POMT2: variants seen among roughly 807,000 people sequenced by gnomAD.
The protein encoded by POMT2 is protein O-mannosyltransferase 2, also known as protein O-mannosyl-transferase 2.
Under a neutral mutation model 100.0 loss-of-function variants are expected in POMT2, and 75 were observed. That is an observed-to-expected ratio of 0.75 (90% confidence interval 0.62 to 0.91). POMT2 has a LOEUF of 0.91. Ranked by LOEUF, POMT2 falls within the 40% of genes least tolerant of loss-of-function variation. The pLI, the probability that POMT2 is intolerant of heterozygous loss-of-function variation, is 0.00. For missense variants in POMT2, 940 were observed against 955.1 expected (o/e 0.98, Z 0.21); for synonymous variants, 378 against 374.1 (o/e 1.01, Z -0.12).
At chr14:77,282,213 T>C (rs1890262913) in intron 15 of POMT2, among the ~76,000 whole-genome samples, 1 of 152,198 alleles carries the variant, frequency 6.6e-6, no homozygotes. Flanking sequence ...ATTCACTACA[T>C]TAAACTCTGA....
intron 15 of POMT2, 111 bp from the exon 16 acceptor site, chr14:77,280,574 CTCCTT>C: frequency 1.3e-6 from 2 of 1,571,750 alleles, no homozygotes; most frequent in South Asian, 2.3e-5. Context: ...AGAACCTTCT[CTCCTT>C]CCCTTCCCTT....
chr14:77,290,304 C>T (rs949111691), intron 10 of POMT2, among the ~76,000 whole-genome samples: 4 of 152,198 alleles, frequency 2.6e-5, no homozygotes, highest in East Asian at 1.9e-4. Context: ...AGAACACTCA[C>T]GTTTGGCCTG....
At chr14:77,287,996 G>A (rs1483107406) in intron 11 of POMT2, among the ~76,000 whole-genome samples, 1 of 152,194 alleles carries the variant, frequency 6.6e-6, no homozygotes, top group Non-Finnish European at 1.5e-5. Context: ...CTGGGCATAA[G>A]TGGATAGGGC....
At chr14:77,279,720 G>A in intron 18 of POMT2, 103 bp downstream of exon 18, 1 of 1,156,916 alleles carries the variant, frequency 8.6e-7, no homozygotes, top group Non-Finnish European at 1.3e-6. Context: ...GTGTGGGGTG[G>A]TAAACGCAAA....
intron 18 of POMT2, 164 bp from the exon 19 acceptor site, chr14:77,279,033 G>T: frequency 1.1e-6 from 1 of 950,078 alleles, no homozygotes; most frequent in Non-Finnish European, 1.6e-6. Context: ...AGCAGCTGGG[G>T]CTCGAGAGCT....
rs1889927561 is a variant in POMT2 at position 77,275,929 on chromosome 14, T to TG, written c.*1446_*1447insC. The TG allele has an allele frequency of 6.6e-6, 1 of 152,618 alleles. No homozygotes were observed. Among genetic ancestry groups the TG allele is most frequent in the Non-Finnish European group, 1.5e-5 (1 of 68,080 alleles). 9.5% of individuals were successfully genotyped at this position (152,618 alleles called of 1,614,324 possible). A position where few individuals can be genotyped will look rare whatever the true frequency, so the allele number is the denominator to read the frequency against. On this transcript the variant is annotated 3_prime_UTR_variant, in exon 21 of 21. Coordinates refer to ENST00000261534, the MANE Select transcript of POMT2 (RefSeq NM_013382.7). ...ACCACCCAGTAGGTAGCACAGCCTGTCCCTGGGACCAATATCCAGTCTCCG... is the reference window on the plus strand; with the variant it reads ...ACCACCCAGTAGGTAGCACAGCCTGTGCCCTGGGACCAATATCCAGTCTCCG...
intron 9 of POMT2, among the ~76,000 whole-genome samples, chr14:77,291,996 C>T (rs1890659890): frequency 6.6e-6 from 1 of 152,018 alleles, no homozygotes; most frequent in African/African-American, 2.4e-5. Flanking sequence ...CGCCACTGCA[C>T]TACAGCCTGG....
In POMT2 at chr14:77,320,497, G is replaced by A. The variant is rs1212129575; in HGVS notation, c.185C>T (p.Ala62Val). 3 of 1,546,402 alleles carry A rather than the reference G, an allele frequency of 1.9e-6. No homozygotes were observed. The highest frequency in any genetic ancestry group is 2.6e-6 in the Non-Finnish European group (3 of 1,148,954). The part of the protein sequence containing the change: ...FEAVGWWALL[A>V]LVTLLSFATR... ...GGCGAAGGACAGCAGCGTCACCAAG[G>A]CCAGCAGGGCCCACCAGCCGACCGC... Residue 62 changes from alanine to valine, a missense_variant, in exon 1 of 21, where the codon GCC becomes GTC. By Grantham distance (64) the Ala-to-Val change is moderately conservative (BLOSUM62 0). Coordinates refer to ENST00000261534, the MANE Select transcript of POMT2 (RefSeq NM_013382.7).
Position 77,320,505 on chromosome 14 carries a change from G to A in POMT2, c.177C>T (p.Ala59=), listed in dbSNP as rs761956817. ...SRRFEAVGWW[A]LLALVTLLSF... is the part of the protein sequence containing the mutation. The stretch of plus-strand genomic sequence containing the variant: ...ACAGCAGCGTCACCAAGGCCAGCAG[G>A]GCCCACCAGCCGACCGCCTCGAAGC... The change falls in exon 1 of 21, where the codon GCC becomes GCT. Residue 59 remains alanine, a synonymous_variant. Coordinates refer to ENST00000261534, the MANE Select transcript of POMT2 (RefSeq NM_013382.7). The A allele has an allele frequency of 5.8e-6, 9 of 1,548,156 alleles. No homozygotes were observed. The South Asian group carries it at 8.3e-5, about 14-fold the overall frequency.
rs556026537 is a variant in POMT2 at position 77,299,383 on chromosome 14, A to T, written c.923+72T>A. On this transcript the variant is annotated intron_variant, in intron 7 of 20. Transcript: ENST00000261534. ...ATTTTAACCACAGACCCAGAAAATC[A>T]TCCGACCCCTCCACAGGCTTAGGAG... The T allele has an allele frequency of 6.7e-5, 91 of 1,357,306 alleles. No individual in the cohort carries two copies. The East Asian group carries it at 2.1e-3, about 31-fold the overall frequency. 84.1% of individuals were successfully genotyped at this position (1,357,306 alleles called of 1,614,324 possible). A position where few individuals can be genotyped will look rare whatever the true frequency, so the allele number is the denominator to read the frequency against.
chr14:77,315,519 C>A (rs975280458), intron 1 of POMT2, among the ~76,000 whole-genome samples: 2 of 152,228 alleles, frequency 1.3e-5, no homozygotes, highest in African/African-American at 4.8e-5. Context: ...CCAGGCAGAG[C>A]TCTTTGGGCC....
chr14:77,301,306 G>A, intron 5 of POMT2, 57 bp from the exon 6 acceptor site: 1 of 1,600,228 alleles, frequency 6.2e-7, no homozygotes, highest in Non-Finnish European at 8.6e-7. Context: ...CCAAACGCAA[G>A]CGCAGCAGGG....
intron 6 of POMT2, chr14:77,300,552 G>C: frequency 6.0e-6 from 1 of 166,088 alleles, no homozygotes; most frequent in Non-Finnish European, 1.3e-5. Flanking sequence ...GGGCTCGGTG[G>C]CTCATGCCTG....
At chr14:77,298,319 C>T (rs1011007704) in intron 8 of POMT2, among the ~76,000 whole-genome samples, 3 of 152,230 alleles carry the variant, frequency 2.0e-5, no homozygotes, top group Non-Finnish European at 2.9e-5. Flanking sequence ...AGGGTGAGCA[C>T]GCGCTCCACT....
At chr14:77,288,692 T>C in intron 11 of POMT2, 70 bp downstream of exon 11, 1 of 1,376,996 alleles carries the variant, frequency 7.3e-7, no homozygotes, top group South Asian at 1.2e-5. Flanking sequence ...AACTTCTGTT[T>C]ACTTCTTAAA....
intron 11 of POMT2, chr14:77,287,169 G>A (rs1359464093): frequency 6.0e-6 from 2 of 332,940 alleles, no homozygotes; most frequent in Admixed American, 8.5e-5. Context: ...GGTTTGAGGA[G>A]AGGAAAAATT....
At chr14:77,309,238 C>A (rs931902382) in intron 2 of POMT2, among the ~76,000 whole-genome samples, 3 of 152,194 alleles carry the variant, frequency 2.0e-5, no homozygotes, top group African/African-American at 7.2e-5. Context: ...GTTACCTCTG[C>A]GGACTAGAAA....
At chr14:77,307,826 T>G (rs969954537) in intron 2 of POMT2, among the ~76,000 whole-genome samples, 1 of 151,480 alleles carries the variant, frequency 6.6e-6, no homozygotes, top group Admixed American at 6.6e-5. Flanking sequence ...TCAGTTCCCT[T>G]AAGGTTAAAA....
At chr14:77,306,188 A>T in intron 3 of POMT2, 149 bp downstream of exon 3, 1 of 1,373,366 alleles carries the variant, frequency 7.3e-7, no homozygotes, top group Non-Finnish European at 1.0e-6. Context: ...TCTACACCAC[A>T]GGGGAGGGTC....
Sources: gnomAD v4.1 joint callset for allele counts (sites outside exome capture counted in the v4.1 genomes callset) on GRCh38, gnomAD v4.1.1 for gene constraint, MANE v1.5 for transcripts, NCBI Gene and HGNC (gene_info 2026-07-23, HGNC 2026-07-21) for gene names.